CNTN6: variants seen among roughly 807,000 people sequenced by gnomAD.
CNTN6 encodes contactin 6.
CNTN6 carries 137 observed loss-of-function variants against 122.8 expected under a neutral mutation model. The observed-to-expected ratio is 1.12, with a 90% CI of 0.97 to 1.29. The LOEUF (loss-of-function observed/expected upper bound fraction) is 1.29. CNTN6 is among the 50% of genes most tolerant of loss of function. CNTN6 has a pLI of 0.00. For missense variants in CNTN6, 1,634 were observed against 1,223.4 expected, an observed-to-expected ratio of 1.34 and a Z score of -5.01; for synonymous variants, 570 against 426.0, an observed-to-expected ratio of 1.34 and a Z score of -4.16.
At chr3:1,136,642 G>A (rs2092482521) in intron 1 of CNTN6, among the ~76,000 whole-genome samples, 2 of 152,088 alleles carry the variant, frequency 1.3e-5, no homozygotes, top group African/African-American at 4.8e-5. Flanking sequence ...ACAACTCAGG[G>A]TGGGAGTCCT....
rs1211008614 is a variant in CNTN6 at position 1,098,789 on chromosome 3, C to CACATATATATATATATATAT, written c.-83+5670_-83+5671insCATATATATATATATATATA. On this transcript the variant is annotated intron_variant, in intron 1 of 22. Coordinates refer to ENST00000446702, the MANE Select transcript of CNTN6 (RefSeq NM_001289080.2). The stretch of plus-strand genomic sequence containing the variant: ...ACACACACACACACACACACACACA[C>CACATATATATATATATATAT]ATATATATATATATATATATATATA... Among the ~76,000 whole-genome samples the CACATATATATATATATATAT allele has an allele frequency of 9.0e-4, 57 of 63,218 alleles. 2 individuals carry two copies. Among genetic ancestry groups the CACATATATATATATATATAT allele is most frequent in the Non-Finnish European group, 1.3e-3 (46 of 36,576 alleles). The allele number at this position is 63,218 out of a possible 152,430, so 41.5% of individuals were successfully genotyped here. A position where few individuals can be genotyped will look rare whatever the true frequency, so the allele number is the denominator to read the frequency against.
At chr3:1,381,914 G>A (rs1293773677) in intron 17 of CNTN6, among the ~76,000 whole-genome samples, 2 of 151,724 alleles carry the variant, frequency 1.3e-5, no homozygotes, top group Non-Finnish European at 2.9e-5. Context: ...TCACCAAGAC[G>A]GTGCCTGTGG....
At chr3:1,150,604 T>C (rs1465495305) in intron 2 of CNTN6, among the ~76,000 whole-genome samples, 1 of 152,232 alleles carries the variant, frequency 6.6e-6, no homozygotes, top group Non-Finnish European at 1.5e-5. Context: ...TATTTTAGTA[T>C]TTTTAAAATA....
chr3:1,313,950 A>G (rs541247483), intron 7 of CNTN6, among the ~76,000 whole-genome samples: 10 of 152,112 alleles, frequency 6.6e-5, no homozygotes, highest in African/African-American at 2.4e-4. Context: ...TAATCCCACT[A>G]TGAAGGCTCT....
intron 1 of CNTN6, among the ~76,000 whole-genome samples, chr3:1,123,257 C>T (rs9809355): frequency 0.28 from 42,766 of 151,484 alleles, 9,115 homozygotes; most frequent in African/African-American, 0.6. Flanking sequence ...ATCTTAACCA[C>T]ATTAAGCCTC....
intron 20 of CNTN6, among the ~76,000 whole-genome samples, chr3:1,388,544 C>T (rs566178323): frequency 2.8e-4 from 42 of 151,130 alleles, no homozygotes; most frequent in Non-Finnish European, 4.6e-4. Flanking sequence ...TCACCAGCAA[C>T]GGAACAAAGC....
intron 12 of CNTN6, among the ~76,000 whole-genome samples, chr3:1,354,615 T>A (rs1706251785): frequency 6.6e-6 from 1 of 151,588 alleles, no homozygotes; most frequent in Non-Finnish European, 1.5e-5. Context: ...GATTTTTGTT[T>A]TAATCAATGA....
chr3:1,282,718 TC>T (rs1693681866), intron 5 of CNTN6, among the ~76,000 whole-genome samples: 1 of 152,198 alleles, frequency 6.6e-6, no homozygotes, highest in South Asian at 2.1e-4. Flanking sequence ...CCTTCATTCC[TC>T]CTAAACGCTC....
intron 7 of CNTN6, among the ~76,000 whole-genome samples, chr3:1,300,543 A>AAG (rs1559754950): frequency 7.7e-6 from 1 of 129,948 alleles, no homozygotes; most frequent in Non-Finnish European, 1.7e-5. Flanking sequence ...AAGAGAGAGA[A>AAG]AGAAAGAGAA....
intron 12 of CNTN6, among the ~76,000 whole-genome samples, chr3:1,361,861 C>T (rs1707515152): frequency 6.6e-6 from 1 of 152,104 alleles, no homozygotes; most frequent in Admixed American, 6.6e-5. Flanking sequence ...AGGTTAGCCC[C>T]ACATTCCCTG....
chr3:1,275,790 A>C (rs1051095178), intron 4 of CNTN6, among the ~76,000 whole-genome samples: 3 of 131,220 alleles, frequency 2.3e-5, no homozygotes, highest in Non-Finnish European at 3.6e-5. Context: ...ATCTAATGCC[A>C]CTGCTGATCT....
intron 7 of CNTN6, among the ~76,000 whole-genome samples, chr3:1,304,904 T>C (rs1290885943): frequency 1.3e-5 from 2 of 150,494 alleles, no homozygotes; most frequent in African/African-American, 4.9e-5. Context: ...GGCAGGAGAA[T>C]TGCTTGAACT....
In CNTN6 at chr3:1,327,537, A is replaced by G; in HGVS notation, c.1164A>G (p.Ala388=). Residue 388 remains alanine (A), a synonymous_variant, in exon 10 of 23, where the codon GCA becomes GCG. Coordinates refer to ENST00000446702, the MANE Select transcript of CNTN6 (RefSeq NM_001289080.2). The part of the protein sequence containing the change: ...VSDSGVYQCA[A]ENKYQIIYAN... Reference sequence around the variant, plus strand: ...ATTCTGGTGTGTACCAATGTGCTGCAGAAAACAAATATCAGATAATTTATG... The same window carrying G: ...ATTCTGGTGTGTACCAATGTGCTGCGGAAAACAAATATCAGATAATTTATG... 6.2e-7 allele frequency: 1 copy of G among 1,611,028 alleles called. No individual in the cohort carries two copies. Among genetic ancestry groups the G allele is most frequent in the Non-Finnish European group, 8.5e-7 (1 of 1,178,150 alleles).
intron 2 of CNTN6, among the ~76,000 whole-genome samples, chr3:1,183,987 A>G (rs1024481625): frequency 3.9e-5 from 6 of 152,202 alleles, no homozygotes; most frequent in Non-Finnish European, 8.8e-5. Context: ...CTAGCGGCTG[A>G]AGGCCATTTT....
chr3:1,271,619 G>C (rs1315754164), intron 4 of CNTN6, among the ~76,000 whole-genome samples: 1 of 152,102 alleles, frequency 6.6e-6, no homozygotes, highest in East Asian at 1.9e-4. Context: ...TAAGGGTGGA[G>C]ATAAATCGAG....
intron 1 of CNTN6, among the ~76,000 whole-genome samples, chr3:1,134,759 G>A (rs886230784): frequency 6.6e-6 from 1 of 151,934 alleles, no homozygotes; most frequent in East Asian, 1.9e-4. Context: ...ATTTAAGAAA[G>A]CATCTTTCAC....
chr3:1,201,711 T>A (rs2093874999), intron 2 of CNTN6, among the ~76,000 whole-genome samples: 1 of 152,180 alleles, frequency 6.6e-6, no homozygotes, highest in Non-Finnish European at 1.5e-5. Flanking sequence ...AACAAAAATA[T>A]GGAGCTACCC....
At chr3:1,212,226 T>C (rs2094049837) in intron 2 of CNTN6, among the ~76,000 whole-genome samples, 1 of 151,414 alleles carries the variant, frequency 6.6e-6, no homozygotes, top group Non-Finnish European at 1.5e-5. Flanking sequence ...ATTCCAAAGT[T>C]CTTGCCTTAC....
At chr3:1,286,089 ACTCTCC>A (rs1694284089) in intron 5 of CNTN6, among the ~76,000 whole-genome samples, 1 of 151,956 alleles carries the variant, frequency 6.6e-6, no homozygotes, top group South Asian at 2.1e-4. Context: ...ATCAAACAGA[ACTCTCC>A]TGTTGCAGCC....
Sources: allele counts gnomAD v4.1 joint callset (sites outside exome capture counted in the v4.1 genomes callset), GRCh38; gene constraint gnomAD v4.1.1; transcripts MANE v1.5; gene names NCBI Gene and HGNC (gene_info 2026-07-23, HGNC 2026-07-21).